DNAH17: variants seen among roughly 807,000 people sequenced by gnomAD.
The protein encoded by DNAH17 is dynein axonemal heavy chain 17.
DNAH17 carries 376 observed loss-of-function variants against 485.6 expected under a neutral mutation model. The ratio of observed to expected loss-of-function variants is 0.77; its 90% CI spans 0.71 to 0.84. DNAH17 has a LOEUF of 0.84. Among genes scored for constraint, DNAH17 ranks in the 40% least tolerant of loss-of-function variants. The probability of loss-of-function intolerance (pLI) is 0.00; values close to 1 mark genes in which losing one functional copy is unlikely to be tolerated. For synonymous variants in DNAH17, 3,031 were observed against 2,405.9 expected (o/e 1.26, Z -7.60); for missense variants, 6,370 against 5,839.3 (o/e 1.09, Z -2.96).
At chr17:78,571,447 T>G in intron 4 of DNAH17, 69 bp from the exon 5 acceptor site, 1 of 1,483,620 alleles carries the variant, frequency 6.7e-7, no homozygotes, top group South Asian at 1.1e-5. Flanking sequence ...AACCTGACCT[T>G]GTGGCTGGCT....
intron 41 of DNAH17, among the ~76,000 whole-genome samples, 155 bp from the exon 42 acceptor site, chr17:78,492,920 C>G (rs1231331835): frequency 7.6e-6 from 1 of 131,416 alleles, no homozygotes; most frequent in African/African-American, 3.0e-5. Flanking sequence ...GGTGTGATCT[C>G]AGCTCACTGC....
intron 25 of DNAH17, among the ~76,000 whole-genome samples, chr17:78,520,607 C>T (rs970260083): frequency 7.2e-5 from 11 of 152,064 alleles, no homozygotes; most frequent in African/African-American, 2.2e-4. Flanking sequence ...TAAGATGCAA[C>T]GCCACTTATT....
At chr17:78,562,202 T>TA (rs2092172348) in intron 11 of DNAH17, among the ~76,000 whole-genome samples, 1 of 152,214 alleles carries the variant, frequency 6.6e-6, no homozygotes, top group South Asian at 2.1e-4. Flanking sequence ...ACTTGGCTTA[T>TA]AATCCCACAG....
intron 10 of DNAH17, 73 bp from the exon 11 acceptor site, chr17:78,566,803 G>C: frequency 7.4e-7 from 1 of 1,354,656 alleles, no homozygotes; most frequent in Non-Finnish European, 1.0e-6. Context: ...TCCAGCCCCT[G>C]CCCTGCTGAG....
chr17:78,525,029 G>A lies in DNAH17; in HGVS notation c.3844C>T (p.Leu1282Phe), dbSNP rs201391989. The change falls in exon 25 of 81, where the codon CTC becomes TTC. Residue 1282 changes from leucine (L) to phenylalanine (F), a missense_variant. Leu to Phe is a conservative substitution (Grantham distance 22). Coordinates refer to ENST00000389840, the MANE Select transcript of DNAH17 (RefSeq NM_173628.4). ...CTCACCACAACAACCATGTCCCAGA[G>A]CTCCTTCAGTAGGCGGACCTCCCGG... ...CHREVRLLKE[L>F]WDMVVVVNTS... The A allele has an allele frequency of 2.4e-5, 39 of 1,613,390 alleles. No homozygotes were observed. In the Middle Eastern group the frequency reaches 9.9e-4, roughly 41 times the overall value.
At position 78,530,383 on chromosome 17, in the gene DNAH17, A is replaced by T; in HGVS notation, c.3244T>A (p.Phe1082Ile). Residue 1082 changes from phenylalanine (F) to isoleucine (I), a missense_variant, in exon 21 of 81, where the codon TTC becomes ATC. Physicochemically the swap from Phe to Ile is conservative, Grantham distance 21 (BLOSUM62 0). Transcript: ENST00000389840. ...ALLSTIRRWGFMFKRHLSNHV... is the reference protein window; with the variant it reads ...ALLSTIRRWGIMFKRHLSNHV... ...TTGCTCAGGTGCCGCTTGAACATGAAGCCCCAGCGCCGGATTGTGCTGAGC... is the reference window on the plus strand; with the variant it reads ...TTGCTCAGGTGCCGCTTGAACATGATGCCCCAGCGCCGGATTGTGCTGAGC... The T allele has an allele frequency of 6.2e-7, 1 of 1,612,644 alleles. No homozygotes were observed. Among genetic ancestry groups the T allele is most frequent in the Non-Finnish European group, 8.5e-7 (1 of 1,178,980 alleles).
chr17:78,474,912 C>T (rs899731699), intron 54 of DNAH17, among the ~76,000 whole-genome samples: 3 of 126,714 alleles, frequency 2.4e-5, no homozygotes, highest in Admixed American at 2.3e-4. Flanking sequence ...AGGTTTCACA[C>T]GCTTCACCTC....
intron 37 of DNAH17, 24 bp from the exon 38 acceptor site, chr17:78,496,056 T>C: frequency 6.2e-7 from 1 of 1,602,522 alleles, no homozygotes; most frequent in Non-Finnish European, 8.5e-7. Context: ...GACACAGACA[T>C]GTTAGCATGG....
In DNAH17 at chr17:78,525,141, G is replaced by A. The variant is rs2143238381; in HGVS notation, c.3732C>T (p.Ala1244=). 6.2e-7 allele frequency: 1 copy of A among 1,613,436 alleles called. No individual in the cohort carries two copies. The highest frequency in any genetic ancestry group is 2.2e-5 in the East Asian group (1 of 44,882). The change falls in exon 25 of 81, where the codon GCC becomes GCT. Residue 1244 remains alanine, a synonymous_variant. Transcript: ENST00000389840. ...ACAGCGCCTCCATGATGCCTTCCATGGCGGAGATGCTCTTTTGTTGCTAGG... is the reference window on the plus strand; with the variant it reads ...ACAGCGCCTCCATGATGCCTTCCATAGCGGAGATGCTCTTTTGTTGCTAGG... ...SLNKQQKSIS[A]MEGIMEALSK...
chr17:78,507,715 C>T lies in DNAH17; in HGVS notation c.4327G>A (p.Glu1443Lys), dbSNP rs903272872. The T allele has an allele frequency of 1.6e-5, 26 of 1,607,304 alleles. No homozygotes were observed. The highest frequency in any genetic ancestry group is 1.3e-4 in the East Asian group (6 of 44,862). The change falls in exon 28 of 81, where the codon GAG (glutamate) becomes AAG (lysine). Residue 1443 changes from glutamate to lysine, a missense_variant. Transcript: ENST00000389840. ...TCCTCCAGCGTCTCCACCAGCACCTCGCTGGACTTGAGCATCATGGTGCCT... is the reference window on the plus strand; with the variant it reads ...TCCTCCAGCGTCTCCACCAGCACCTTGCTGGACTTGAGCATCATGGTGCCT... ...RTGTMMLKSS[E>K]VLVETLEDNQ... is the part of the protein sequence containing the mutation.
At position 78,491,493 on chromosome 17, in the gene DNAH17, T is replaced by G; in HGVS notation, c.6619A>C (p.Ile2207Leu). The change falls in exon 43 of 81, where the codon ATA becomes CTA. Residue 2207 changes from isoleucine to leucine, a missense_variant. By Grantham distance (5) the Ile-to-Leu change is conservative (BLOSUM62 2). Coordinates refer to ENST00000389840, the MANE Select transcript of DNAH17 (RefSeq NM_173628.4). ...GPKWIILDGD[I>L]DPMWIESLNT... ...AGAGACTCGATCCACATGGGGTCTA[T>G]GTCTCCGTCAAGGATGATCCACTTG... The G allele has an allele frequency of 6.2e-7, 1 of 1,613,702 alleles. No individual in the cohort carries two copies. Among genetic ancestry groups the G allele is most frequent in the South Asian group, 1.1e-5 (1 of 90,848 alleles).
intron 1 of DNAH17, among the ~76,000 whole-genome samples, chr17:78,575,404 G>T (rs758368890): frequency 5.9e-5 from 9 of 152,202 alleles, no homozygotes; most frequent in Non-Finnish European, 1.3e-4. Context: ...GGAAATGGCC[G>T]CAACCAGACA....
chr17:78,496,454 C>T (rs1465919284), intron 37 of DNAH17, among the ~76,000 whole-genome samples: 19 of 26,728 alleles, frequency 7.1e-4, no homozygotes, highest in East Asian at 9.2e-4. Flanking sequence ...CCAGTCACAG[C>T]GGGGGTGGTG....
In DNAH17 at chr17:78,507,597, G is replaced by T; in HGVS notation, c.4445C>A (p.Ala1482Glu). The T allele has an allele frequency of 8.1e-6, 13 of 1,614,148 alleles. No homozygotes were observed. Among genetic ancestry groups the T allele is most frequent in the Non-Finnish European group, 1.1e-5 (13 of 1,180,008 alleles). Residue 1482 changes from alanine to glutamate, a missense_variant, in exon 28 of 81, where the codon GCG becomes GAG. By Grantham distance (107) the Ala-to-Glu change is moderately radical. Transcript: ENST00000389840. ...AAACCAGATGGAGATGACGGAGTCC[G>T]CCGTGGACAGCTTCTGCTGCCAGCT... ...VTSWQQKLST[A>E]DSVISIWFEV...
At chr17:78,493,786 G>A (rs1381599406) in intron 41 of DNAH17, among the ~76,000 whole-genome samples, 1 of 152,242 alleles carries the variant, frequency 6.6e-6, no homozygotes, top group Non-Finnish European at 1.5e-5. Flanking sequence ...AAGGAGAGAA[G>A]AGCAGGAAGA....
At chr17:78,463,179 G>C in intron 56 of DNAH17, 102 bp from the exon 57 acceptor site, 4 of 1,064,218 alleles carry the variant, frequency 3.8e-6, no homozygotes, top group Non-Finnish European at 5.6e-6. Flanking sequence ...GGTGCCCTGA[G>C]ACCGCTCTCA....
In DNAH17 at chr17:78,450,576, G is replaced by T. The variant is rs939308702; in HGVS notation, c.10899+106C>A. On this transcript the variant is annotated intron_variant, in intron 67 of 80. Coordinates refer to ENST00000389840, the MANE Select transcript of DNAH17 (RefSeq NM_173628.4). ...GCCCTGGGCCCACTCGGGCACGTAT[G>T]ACCGAAGCTGCTTTTCTCCTTTCTC... The T allele has an allele frequency of 3.4e-6, 5 of 1,460,416 alleles. No individual in the cohort carries two copies. The African/African-American group carries it at 5.6e-5, about 16-fold the overall frequency. 90.5% of individuals were successfully genotyped at this position (1,460,416 alleles called of 1,614,324 possible).
chr17:78,563,470 C>T (rs1218954284), intron 11 of DNAH17, among the ~76,000 whole-genome samples: 1 of 150,358 alleles, frequency 6.7e-6, no homozygotes, highest in Non-Finnish European at 1.5e-5. Context: ...ACTTGGAAGT[C>T]AGAAAAATAG....
intron 72 of DNAH17, 107 bp from the exon 73 acceptor site, chr17:78,439,324 G>A (rs531371759): frequency 1.3e-5 from 17 of 1,334,894 alleles, no homozygotes; most frequent in South Asian, 1.0e-4. Flanking sequence ...ATTTAGTTTC[G>A]GTGGTGAAAT....
Sources: gnomAD v4.1 joint callset for allele counts (sites outside exome capture counted in the v4.1 genomes callset) on GRCh38, gnomAD v4.1.1 for gene constraint, MANE v1.5 for transcripts, NCBI Gene and HGNC (gene_info 2026-07-23, HGNC 2026-07-21) for gene names.